MARCHF1: variants seen among roughly 807,000 people sequenced by gnomAD.
The protein encoded by MARCHF1 is E3 ubiquitin-protein ligase MARCHF1.
Under a neutral mutation model 54.2 loss-of-function variants are expected in MARCHF1, and 40 were observed. The ratio of observed to expected loss-of-function variants is 0.74; its 90% CI spans 0.57 to 0.96. MARCHF1 has a LOEUF of 0.96. Among genes scored for constraint, MARCHF1 ranks in the 40% least tolerant of loss-of-function variants. The pLI is 0.00. For synonymous variants in MARCHF1, 236 were observed against 236.3 expected (o/e 1.00, Z 0.01); for missense variants, 586 against 656.5 (o/e 0.89, Z 1.17).
At chr4:163,818,097 AACTT>A (rs1748592865) in intron 4 of MARCHF1, among the ~76,000 whole-genome samples, 1 of 151,886 alleles carries the variant, frequency 6.6e-6, no homozygotes, top group South Asian at 2.1e-4. Context: ...TGTACCCTAA[AACTT>A]AAAGTATAAT....
At chr4:163,756,834 G>A (rs1450032886) in intron 4 of MARCHF1, among the ~76,000 whole-genome samples, 1 of 151,872 alleles carries the variant, frequency 6.6e-6, no homozygotes, top group Non-Finnish European at 1.5e-5. Context: ...TTAGAATTCT[G>A]ATATTTTGTG....
At chr4:164,346,598 AT>A (rs1730106353) in intron 1 of MARCHF1, among the ~76,000 whole-genome samples, 1 of 31,104 alleles carries the variant, frequency 3.2e-5, no homozygotes. Flanking sequence ...ACCTGTATGT[AT>A]GTATGTATAT....
At chr4:163,591,696 C>T (rs1385379395) in intron 7 of MARCHF1, among the ~76,000 whole-genome samples, 1 of 152,120 alleles carries the variant, frequency 6.6e-6, no homozygotes, top group African/African-American at 2.4e-5. Context: ...TTAGTCAGAT[C>T]ATATGGCAAT....
intron 4 of MARCHF1, among the ~76,000 whole-genome samples, chr4:163,814,958 T>A (rs933359765): frequency 6.6e-6 from 1 of 152,262 alleles, no homozygotes; most frequent in African/African-American, 2.4e-5. Context: ...TAAGCTGAAT[T>A]TTTTTCTGGC....
At chr4:164,322,798 A>G (rs1735176445) in intron 1 of MARCHF1, among the ~76,000 whole-genome samples, 1 of 152,052 alleles carries the variant, frequency 6.6e-6, no homozygotes, top group African/African-American at 2.4e-5. Flanking sequence ...AAGAATATCA[A>G]TAATATTGTC....
intron 1 of MARCHF1, chr4:164,129,856 G>T (rs1484796997): frequency 1.3e-5 from 2 of 152,034 alleles, no homozygotes; most frequent in African/African-American, 4.8e-5. Flanking sequence ...CTAGGGAATG[G>T]GTTGACCTGT....
intron 1 of MARCHF1, among the ~76,000 whole-genome samples, chr4:164,233,149 T>C (rs1732459982): frequency 6.6e-6 from 1 of 152,170 alleles, no homozygotes; most frequent in Non-Finnish European, 1.5e-5. Flanking sequence ...CTATATGTGT[T>C]TGTTGAATAA....
intron 2 of MARCHF1, among the ~76,000 whole-genome samples, chr4:164,050,133 G>C (rs568550392): frequency 6.6e-6 from 1 of 151,732 alleles, no homozygotes; most frequent in Admixed American, 6.6e-5. Flanking sequence ...AAATTAGCCC[G>C]GTGTCATGGT....
chr4:163,530,286 C>T (rs1738302006), intron 9 of MARCHF1: 1 of 151,960 alleles, frequency 6.6e-6, no homozygotes, highest in South Asian at 2.1e-4. Context: ...CCCCAGCAAA[C>T]ACCATTTTAT....
At chr4:163,692,445 A>G (rs532190519) in intron 5 of MARCHF1, among the ~76,000 whole-genome samples, 22 of 152,324 alleles carry the variant, frequency 1.4e-4, no homozygotes, top group Admixed American at 5.2e-4. Flanking sequence ...CATTCTGGGC[A>G]GCAGCAGCAT....
intron 8 of MARCHF1, among the ~76,000 whole-genome samples, chr4:163,583,459 T>C (rs2110813972): frequency 6.6e-6 from 1 of 152,260 alleles, no homozygotes; most frequent in Admixed American, 6.5e-5. Flanking sequence ...ATAAAGAATG[T>C]AGAAATGCTG....
intron 1 of MARCHF1, chr4:164,188,308 C>T (rs1731029144): frequency 2.9e-6 from 1 of 341,120 alleles, no homozygotes; most frequent in Non-Finnish European, 5.6e-6. Flanking sequence ...CGGGTAACCG[C>T]GCTGCGCTCC....
Position 163,822,188 on chromosome 4 carries a change from G to T in MARCHF1, c.111+31833C>A, listed in dbSNP as rs1037064263. Among the ~76,000 whole-genome samples the T allele has an allele frequency of 4.0e-5, 6 of 151,564 alleles. No individual in the cohort carries two copies. In the East Asian group the frequency reaches 9.6e-4, roughly 24 times the overall value. Reference sequence around the variant, plus strand: ...GGGAGCTGTAAGAAAAGAGACAAAAGGTTTGTATACTTTTTTTTAATGAAC... The same window carrying T: ...GGGAGCTGTAAGAAAAGAGACAAAATGTTTGTATACTTTTTTTTAATGAAC... On this transcript the variant is annotated intron_variant, in intron 4 of 9. Transcript: ENST00000514618.
At chr4:164,197,518 A>T (rs772719388) in intron 1 of MARCHF1, 2 of 1,613,486 alleles carry the variant, frequency 1.2e-6, no homozygotes, top group Non-Finnish European at 1.7e-6. Context: ...AAGCTTTCTC[A>T]ACTTTAACTT....
rs553365525 is a variant in MARCHF1 at position 164,036,402 on chromosome 4, T to C, written c.-247-47693A>G. Among the ~76,000 whole-genome samples the C allele has an allele frequency of 8.5e-5, 13 of 152,242 alleles. No individual in the cohort carries two copies. The East Asian group carries it at 2.5e-3, about 29-fold the overall frequency. ...AGATAAAGAAAAATGACTACTCTAATTGAGTTGGGAAGCTGTAAAACTAAC... is the reference window on the plus strand; with the variant it reads ...AGATAAAGAAAAATGACTACTCTAACTGAGTTGGGAAGCTGTAAAACTAAC... On this transcript the variant is annotated intron_variant, in intron 2 of 9. Coordinates refer to ENST00000514618, the MANE Select transcript of MARCHF1 (RefSeq NM_001394959.1).
intron 1 of MARCHF1, among the ~76,000 whole-genome samples, chr4:164,316,591 T>C (rs1735004681): frequency 6.6e-6 from 1 of 152,198 alleles, no homozygotes; most frequent in African/African-American, 2.4e-5. Flanking sequence ...GAAGCAGAAA[T>C]GACAACACTC....
chr4:163,811,357 A>C (rs748001346), intron 4 of MARCHF1, among the ~76,000 whole-genome samples: 2 of 152,150 alleles, frequency 1.3e-5, no homozygotes, highest in Non-Finnish European at 2.9e-5. Context: ...AAAGTTCCTA[A>C]ATATTTTGTC....
At chr4:164,094,241 A>C (rs1755362813) in intron 2 of MARCHF1, among the ~76,000 whole-genome samples, 1 of 152,178 alleles carries the variant, frequency 6.6e-6, no homozygotes, top group South Asian at 2.1e-4. Context: ...TCTCTCAGTT[A>C]CTAAAGGTAT....
chr4:164,186,388 T>C (rs2111031969), intron 1 of MARCHF1, among the ~76,000 whole-genome samples: 1 of 152,230 alleles, frequency 6.6e-6, no homozygotes, highest in East Asian at 1.9e-4. Context: ...CCATGCTCTA[T>C]GTGATTCTAT....
Sources: allele counts gnomAD v4.1 joint callset (sites outside exome capture counted in the v4.1 genomes callset), GRCh38; gene constraint gnomAD v4.1.1; transcripts MANE v1.5; gene names NCBI Gene and HGNC (gene_info 2026-07-23, HGNC 2026-07-21).